UNC5D: variants seen among roughly 807,000 people sequenced by gnomAD.
The protein encoded by UNC5D is unc-5 netrin receptor D.
Under a neutral mutation model 105.4 loss-of-function variants are expected in UNC5D, and 39 were observed. The observed-to-expected ratio is 0.37, with a 90% CI of 0.29 to 0.48. The LOEUF (loss-of-function observed/expected upper bound fraction) is 0.48. UNC5D is among the 20% of genes least tolerant of loss of function. The pLI, the probability that UNC5D is intolerant of heterozygous loss-of-function variation, is 0.98. For missense variants in UNC5D, 991 were observed against 1,202.4 expected (o/e 0.82, Z 2.60); for synonymous variants, 452 against 450.4 (o/e 1.00, Z -0.04).
chr8:35,611,729 A>G (rs1820695500), intron 4 of UNC5D, among the ~76,000 whole-genome samples: 1 of 152,212 alleles, frequency 6.6e-6, no homozygotes. Flanking sequence ...GTTCTAACTA[A>G]AGATAGCAAC....
At chr8:35,341,561 A>T (rs1356604910) in intron 1 of UNC5D, among the ~76,000 whole-genome samples, 2 of 151,502 alleles carry the variant, frequency 1.3e-5, no homozygotes, top group Non-Finnish European at 2.9e-5. Context: ...CTCTTTCGCC[A>T]TTTTAAAATA....
intron 1 of UNC5D, among the ~76,000 whole-genome samples, chr8:35,332,663 A>G (rs1810716314): frequency 6.6e-6 from 1 of 152,224 alleles, no homozygotes; most frequent in Non-Finnish European, 1.5e-5. Flanking sequence ...GACCAGTTAC[A>G]CTTATGACAG....
chr8:35,271,696 C>CATATAT lies in UNC5D; in HGVS notation c.103+35811_103+35812insATATAT, dbSNP rs1342859168. On this transcript the variant is annotated intron_variant, in intron 1 of 16. Transcript: ENST00000404895. ...ATACATATATATGTATACATGTATA[C>CATATAT]ATGTATACATATATATTTATACATG... is the stretch of plus-strand genomic sequence containing the variant. 3.7e-4 allele frequency among the ~76,000 whole-genome samples: 25 copies of CATATAT among 66,964 alleles called. 1 individual carries two copies. Among genetic ancestry groups the CATATAT allele is most frequent in the African/African-American group, 5.7e-4 (10 of 17,508 alleles). The allele number at this position is 66,964 out of a possible 152,430, so 43.9% of individuals were successfully genotyped here.
chr8:35,605,103 G>A (rs1340811055), intron 4 of UNC5D, among the ~76,000 whole-genome samples: 1 of 152,178 alleles, frequency 6.6e-6, no homozygotes, highest in Non-Finnish European at 1.5e-5. Flanking sequence ...GCGTTCCTTT[G>A]GAGGAGGAGA....
chr8:35,653,346 A>G (rs186512535), intron 4 of UNC5D, among the ~76,000 whole-genome samples: 70 of 152,248 alleles, frequency 4.6e-4, no homozygotes, highest in Middle Eastern at 3.4e-3. Context: ...AACATTTTAT[A>G]TATCCTGTGT....
At chr8:35,401,570 C>G (rs556449892) in intron 1 of UNC5D, among the ~76,000 whole-genome samples, 3 of 152,118 alleles carry the variant, frequency 2.0e-5, no homozygotes, top group Non-Finnish European at 4.4e-5. Context: ...CCTTGCCTGT[C>G]TTTTATTTAA....
chr8:35,661,109 T>A lies in UNC5D; in HGVS notation c.571-22438T>A, dbSNP rs191734078. 1.3e-3 allele frequency among the ~76,000 whole-genome samples: 196 copies of A among 149,196 alleles called. 1 individual carries two copies. The highest frequency in any genetic ancestry group is 4.6e-3 in the African/African-American group (188 of 40,492). ...TGAGACCCTATCAGGTTAAGAAAAA[T>A]TAAAAAAAAAAAGACTTATAAATTC... is the stretch of plus-strand genomic sequence containing the variant. On this transcript the variant is annotated intron_variant, in intron 4 of 16. Coordinates refer to ENST00000404895, the MANE Select transcript of UNC5D (RefSeq NM_080872.4).
At position 35,684,704 on chromosome 8, in the gene UNC5D, G is replaced by A. The variant is rs1825893422; in HGVS notation, c.874G>A (p.Glu292Lys). ...TCCTCTCAATGGTGGGGCCTTTTGT[G>A]AGGGAATGTCAGTGCAGAAAATAAC... ...PAPLNGGAFCEGMSVQKITCT... is the reference protein window; with the variant it reads ...PAPLNGGAFCKGMSVQKITCT... Residue 292 changes from glutamate to lysine, a missense_variant, in exon 6 of 17, where the codon GAG becomes AAG. Glu to Lys is a moderately conservative substitution (Grantham distance 56). Coordinates refer to ENST00000404895, the MANE Select transcript of UNC5D (RefSeq NM_080872.4). 2 of 1,613,894 alleles carry A rather than the reference G, an allele frequency of 1.2e-6. No homozygotes were observed. Among genetic ancestry groups the A allele is most frequent in the Middle Eastern group, 1.7e-4 (1 of 6,060 alleles).
intron 1 of UNC5D, among the ~76,000 whole-genome samples, chr8:35,517,986 G>A (rs1047313273): frequency 2.6e-5 from 4 of 152,020 alleles, no homozygotes; most frequent in Non-Finnish European, 5.9e-5. Context: ...CTTCCCGGAG[G>A]CCCCCATCCC....
intron 1 of UNC5D, among the ~76,000 whole-genome samples, chr8:35,345,543 A>T (rs911433506): frequency 1.3e-5 from 2 of 151,932 alleles, no homozygotes; most frequent in African/African-American, 4.8e-5. Flanking sequence ...AAAAAGAGGG[A>T]TTTCTTTTAT....
intron 4 of UNC5D, among the ~76,000 whole-genome samples, chr8:35,641,405 TACA>T (rs1822733612): frequency 7.2e-6 from 1 of 139,258 alleles, no homozygotes; most frequent in African/African-American, 2.6e-5. Flanking sequence ...AAACAGCATC[TACA>T]ACATTTGAGA....
rs1048226419 is a variant in UNC5D at position 35,497,031 on chromosome 8, A to G, written c.104-52261A>G. 4.6e-5 allele frequency among the ~76,000 whole-genome samples: 7 copies of G among 152,198 alleles called. No homozygotes were observed. In the South Asian group the frequency reaches 6.2e-4, roughly 13 times the overall value. On this transcript the variant is annotated intron_variant, in intron 1 of 16. Transcript: ENST00000404895. Reference sequence around the variant, plus strand: ...AAAAGCATACATATTTATTTAATATACCTTTTATATGACCCAGAAGCCCTC... The same window carrying G: ...AAAAGCATACATATTTATTTAATATGCCTTTTATATGACCCAGAAGCCCTC...
In UNC5D at chr8:35,436,484, C is replaced by A. The variant is rs188444871; in HGVS notation, c.104-112808C>A. On this transcript the variant is annotated intron_variant, in intron 1 of 16. Coordinates refer to ENST00000404895, the MANE Select transcript of UNC5D (RefSeq NM_080872.4). ...GTATTATAGAAGCTAAACAAAAGCC[C>A]TGAACTGAGTCCTTTTCTGCACTCA... 2.7e-3 allele frequency among the ~76,000 whole-genome samples: 406 copies of A among 152,074 alleles called. 2 individuals carry two copies. The highest frequency in any genetic ancestry group is 9.2e-3 in the African/African-American group (380 of 41,510).
At chr8:35,603,951 T>C (rs1201921809) in intron 4 of UNC5D, among the ~76,000 whole-genome samples, 1 of 152,198 alleles carries the variant, frequency 6.6e-6, no homozygotes, top group Non-Finnish European at 1.5e-5. Flanking sequence ...GCATGTGAGA[T>C]GGGTTTCCTG....
At chr8:35,679,547 G>T (rs766166178) in intron 4 of UNC5D, among the ~76,000 whole-genome samples, 10 of 152,118 alleles carry the variant, frequency 6.6e-5, no homozygotes, top group Admixed American at 5.9e-4. Flanking sequence ...GCTCTGAGGT[G>T]GCTAACTCAC....
At chr8:35,645,615 G>T (rs1318496173) in intron 4 of UNC5D, among the ~76,000 whole-genome samples, 1 of 151,772 alleles carries the variant, frequency 6.6e-6, no homozygotes, top group Non-Finnish European at 1.5e-5. Flanking sequence ...TCTAAGTGAA[G>T]TGTTTTTCCT....
rs73579055 is a variant in UNC5D at position 35,269,744 on chromosome 8, T to C, written c.103+33857T>C. Among the ~76,000 whole-genome samples, 423 of 152,292 alleles carry C rather than the reference T, an allele frequency of 2.8e-3. 5 individuals carry two copies. Among genetic ancestry groups the C allele is most frequent in the African/African-American group, 9.4e-3 (391 of 41,576 alleles). On this transcript the variant is annotated intron_variant, in intron 1 of 16. Coordinates refer to ENST00000404895, the MANE Select transcript of UNC5D (RefSeq NM_080872.4). Reference sequence around the variant, plus strand: ...TGAGATGCTGTCATCAGTACTTTAGTAGTCTATTTCATTTCATCTGAACAA... The same window carrying C: ...TGAGATGCTGTCATCAGTACTTTAGCAGTCTATTTCATTTCATCTGAACAA...
At chr8:35,267,830 T>C (rs1804992633) in intron 1 of UNC5D, among the ~76,000 whole-genome samples, 1 of 151,408 alleles carries the variant, frequency 6.6e-6, no homozygotes, top group South Asian at 2.1e-4. Flanking sequence ...TGAATACGTA[T>C]TTTTTTTTCA....
chr8:35,470,243 G>A (rs182885962), intron 1 of UNC5D, among the ~76,000 whole-genome samples: 1 of 152,186 alleles, frequency 6.6e-6, no homozygotes, highest in Admixed American at 6.5e-5. Flanking sequence ...ACCTCAGGAT[G>A]GTGTTGGGGA....
Sources: gnomAD v4.1 joint callset for allele counts (sites outside exome capture counted in the v4.1 genomes callset) on GRCh38, gnomAD v4.1.1 for gene constraint, MANE v1.5 for transcripts, NCBI Gene and HGNC (gene_info 2026-07-23, HGNC 2026-07-21) for gene names.